The following FRYL variants were observed in gnomAD, a reference collection of about 807,000 sequenced individuals.
FRYL encodes protein furry homolog-like.
A neutral mutation model predicts 351.2 loss-of-function variants in FRYL; 150 were observed. That is an observed-to-expected ratio of 0.43 (90% confidence interval 0.37 to 0.49). The LOEUF is 0.49. Among genes scored for constraint, FRYL ranks in the 20% least tolerant of loss-of-function variants. The pLI is 0.00. For synonymous variants in FRYL, 1,153 were observed against 1,257.1 expected, an observed-to-expected ratio of 0.92 and a Z score of 1.75; for missense variants, 3,036 against 3,619.3, an observed-to-expected ratio of 0.84 and a Z score of 4.13.
At chr4:48,610,515 GTATT>G (rs1747846306) in intron 7 of FRYL, among the ~76,000 whole-genome samples, 1 of 151,084 alleles carries the variant, frequency 6.6e-6, no homozygotes, top group Non-Finnish European at 1.5e-5. Flanking sequence ...TTCCATGTCA[GTATT>G]TAGAGCGCCT....
Position 48,674,182 on chromosome 4 carries a change from T to C in FRYL, c.-81+10491A>G, listed in dbSNP as rs372970830. On this transcript the variant is annotated intron_variant, in intron 3 of 63. Transcript: ENST00000358350. ...GAATAAAATAACCCAATCCGAGACA[T>C]AGAAGGACTTCTCTGTTCAACAGTC... Among the ~76,000 whole-genome samples the C allele has an allele frequency of 7.9e-5, 12 of 152,312 alleles. No homozygotes were observed. In the South Asian group the frequency reaches 8.3e-4, roughly 11 times the overall value.
intron 49 of FRYL, among the ~76,000 whole-genome samples, chr4:48,531,914 T>C (rs1727736498): frequency 6.6e-6 from 1 of 151,924 alleles, no homozygotes; most frequent in Non-Finnish European, 1.5e-5. Context: ...TTGTGTAGGG[T>C]GAGGTTTTTT....
rs748365737 is a variant in FRYL at position 48,512,466 on chromosome 4, C to T, written c.8145+15G>A. ...TAACTATAATATGAATTCAGAAACC[C>T]TGAACCTCACTGACCTGAAACAGCC... On this transcript the variant is annotated intron_variant, in intron 57 of 63. Transcript: ENST00000358350. The T allele has an allele frequency of 6.3e-7, 1 of 1,590,232 alleles. No homozygotes were observed. The highest frequency in any genetic ancestry group is 8.6e-7 in the Non-Finnish European group (1 of 1,160,276).
chr4:48,757,817 G>A (rs1773956455), intron 1 of FRYL, among the ~76,000 whole-genome samples: 1 of 152,146 alleles, frequency 6.6e-6, no homozygotes, highest in Non-Finnish European at 1.5e-5. Flanking sequence ...GAGGCATCAT[G>A]CTACCTGATT....
At position 48,540,562 on chromosome 4, in the gene FRYL, AGTTT is replaced by A; in HGVS notation, c.6082_6085del (p.Lys2028CysfsTer23). ...TTTATCCAAAGGCAAATGGATAAGCAGTTTGTTGAGAAGCCTGAGAGCCAGGAGG... is the reference window on the plus strand; with the variant it reads ...TTTATCCAAAGGCAAATGGATAAGCAGTTGAGAAGCCTGAGAGCCAGGAGG... On this transcript the variant is annotated frameshift_variant, in exon 46 of 64. Transcript: ENST00000358350. LOFTEE classifies it high-confidence loss of function. The A allele has an allele frequency of 6.2e-7, 1 of 1,613,960 alleles. No individual in the cohort carries two copies. The highest frequency in any genetic ancestry group is 8.5e-7 in the Non-Finnish European group (1 of 1,179,870).
chr4:48,716,943 TA>T (rs1466391488), intron 1 of FRYL, among the ~76,000 whole-genome samples: 1 of 150,590 alleles, frequency 6.6e-6, no homozygotes, highest in Non-Finnish European at 1.5e-5. Context: ...TATGCAGCCA[TA>T]AAAAAGGATG....
chr4:48,675,780 C>T (rs1763558190), intron 3 of FRYL, among the ~76,000 whole-genome samples: 1 of 152,226 alleles, frequency 6.6e-6, no homozygotes, highest in Non-Finnish European at 1.5e-5. Flanking sequence ...GTGCAGGATC[C>T]ACTAGGTGAA....
At chr4:48,648,170 T>C (rs1003124702) in intron 3 of FRYL, among the ~76,000 whole-genome samples, 11 of 152,190 alleles carry the variant, frequency 7.2e-5, no homozygotes, top group African/African-American at 2.7e-4. Context: ...ATATAGTCTC[T>C]TTCAATAGCA....
intron 35 of FRYL, among the ~76,000 whole-genome samples, chr4:48,556,462 C>T (rs1438915431): frequency 6.6e-6 from 1 of 152,180 alleles, no homozygotes; most frequent in Non-Finnish European, 1.5e-5. Context: ...TTCCAGCAGC[C>T]TGAAGGACAA....
At chr4:48,504,641 C>T (rs1351150774) in intron 60 of FRYL, among the ~76,000 whole-genome samples, 1 of 152,090 alleles carries the variant, frequency 6.6e-6, no homozygotes, top group Non-Finnish European at 1.5e-5. Flanking sequence ...ATCTTGGTTT[C>T]ACTATTTGCT....
At chr4:48,555,651 C>T (rs866256346) in intron 35 of FRYL, among the ~76,000 whole-genome samples, 4 of 152,116 alleles carry the variant, frequency 2.6e-5, no homozygotes, top group Non-Finnish European at 4.4e-5. Context: ...AGGGGGCCAG[C>T]GCAGCTGAAG....
In FRYL at chr4:48,499,274, G is replaced by A. The variant is rs373518815; in HGVS notation, c.*148C>T. 6 of 669,204 alleles carry A rather than the reference G, an allele frequency of 9.0e-6. No homozygotes were observed. Among genetic ancestry groups the A allele is most frequent in the South Asian group, 2.0e-5 (1 of 50,234 alleles). The allele number at this position is 669,204 out of a possible 1,614,324, so 41.5% of individuals were successfully genotyped here. On this transcript the variant is annotated 3_prime_UTR_variant, in exon 64 of 64. Coordinates refer to ENST00000358350, the MANE Select transcript of FRYL (RefSeq NM_015030.2). ...AGATGTTTTTTTCTTTCAGATCTTTGTTTTTGATGATACAGTTTGACATTA... is the reference window on the plus strand; with the variant it reads ...AGATGTTTTTTTCTTTCAGATCTTTATTTTTGATGATACAGTTTGACATTA...
At chr4:48,649,183 T>C (rs531258857) in intron 3 of FRYL, among the ~76,000 whole-genome samples, 120 of 152,308 alleles carry the variant, frequency 7.9e-4, no homozygotes, top group African/African-American at 2.8e-3. Flanking sequence ...AGATTTTAAC[T>C]GAAATTTAGA....
chr4:48,732,535 A>G (rs1770838935), intron 1 of FRYL, among the ~76,000 whole-genome samples: 1 of 152,230 alleles, frequency 6.6e-6, no homozygotes, highest in African/African-American at 2.4e-5. Flanking sequence ...CCAAATGTCC[A>G]TCAATGATAG....
intron 1 of FRYL, among the ~76,000 whole-genome samples, chr4:48,750,887 C>A (rs1773187888): frequency 6.6e-6 from 1 of 152,098 alleles, no homozygotes; most frequent in Non-Finnish European, 1.5e-5. Flanking sequence ...AAGGAGTATA[C>A]CTTATAAATT....
chr4:48,499,959 A>G, intron 63 of FRYL, 71 bp downstream of exon 63: 2 of 1,112,030 alleles, frequency 1.8e-6, no homozygotes, highest in Non-Finnish European at 2.6e-6. Context: ...CAAATTGAAA[A>G]TGAAAACCTA....
rs1359486624 is a variant in FRYL, at chr4:48,527,388, G to T, written c.7317+89C>A. ...ATTTTTACCTTTTTGACCTTACACT[G>T]ACCTCAATAAGGAATGATCCTGTGA... On this transcript the variant is annotated intron_variant, in intron 53 of 63. Transcript: ENST00000358350. 6 of 1,041,770 alleles carry T rather than the reference G, an allele frequency of 5.8e-6. No homozygotes were observed. The Admixed American group carries it at 7.1e-5, about 12-fold the overall frequency. The allele number at this position is 1,041,770 out of a possible 1,614,324, so 64.5% of individuals were successfully genotyped here. A position where few individuals can be genotyped will look rare whatever the true frequency, so the allele number is the denominator to read the frequency against.
intron 1 of FRYL, among the ~76,000 whole-genome samples, chr4:48,711,992 C>T (rs1219704601): frequency 6.6e-6 from 1 of 152,168 alleles, no homozygotes; most frequent in Admixed American, 6.5e-5. Flanking sequence ...CTCCAACAGA[C>T]CTGCAGCTGA....
intron 1 of FRYL, among the ~76,000 whole-genome samples, chr4:48,719,934 G>A (rs1366395522): frequency 6.6e-6 from 1 of 151,262 alleles, no homozygotes; most frequent in African/African-American, 2.4e-5. Context: ...AGTGGATCAC[G>A]AGGTCCGGAG....
Sources: gnomAD v4.1 joint callset for allele counts (sites outside exome capture counted in the v4.1 genomes callset) on GRCh38, gnomAD v4.1.1 for gene constraint, MANE v1.5 for transcripts, NCBI Gene and HGNC (gene_info 2026-07-23, HGNC 2026-07-21) for gene names.